The following SSUH2 variants were observed in gnomAD, a reference collection of about 807,000 sequenced individuals.
The protein encoded by SSUH2 is ssu-2 homolog.
Under a neutral mutation model 55.3 loss-of-function variants are expected in SSUH2, and 47 were observed. That is an observed-to-expected ratio of 0.85 (90% CI 0.67 to 1.08). The LOEUF (loss-of-function observed/expected upper bound fraction) is 1.08. Among genes scored for constraint, SSUH2 ranks in the 50% least tolerant of loss-of-function variants. SSUH2 has a pLI of 0.00. For synonymous variants in SSUH2, 212 were observed against 191.5 expected (o/e 1.11, Z -0.89); for missense variants, 535 against 490.7 (o/e 1.09, Z -0.85).
At position 8,629,804 on chromosome 3, in the gene SSUH2, C is replaced by T. The variant is rs188895396; in HGVS notation, c.526-78G>A. On this transcript the variant is annotated intron_variant, in intron 6 of 11. Transcript: ENST00000544814. ...ACACCCATAACATCACCATCTAAACCGAAGGTGGAGTGGATCAGGACCAGG... is the reference window on the plus strand; with the variant it reads ...ACACCCATAACATCACCATCTAAACTGAAGGTGGAGTGGATCAGGACCAGG... 71 of 1,403,028 alleles carry T rather than the reference C, an allele frequency of 5.1e-5. No individual in the cohort carries two copies. In the Middle Eastern group the frequency reaches 5.3e-4, roughly 10 times the overall value. The allele number at this position is 1,403,028 out of a possible 1,614,324, so 86.9% of individuals were successfully genotyped here.
At chr3:8,632,817 C>T (rs1230895107) in intron 4 of SSUH2, among the ~76,000 whole-genome samples, 1 of 152,202 alleles carries the variant, frequency 6.6e-6, no homozygotes, top group Admixed American at 6.5e-5. Flanking sequence ...TTTCTTGGCA[C>T]AGTCATGATC....
chr3:8,680,340 C>A lies in SSUH2; in HGVS notation c.-1045-491G>T, dbSNP rs1238715648. On this transcript the variant is annotated intron_variant, in intron 1 of 18. Transcript: ENST00000317371. ...CTCTTCCCTCTCTGGCTCTTAGGAT[C>A]CAAGGTGGACTCACAGACTGTTTAC... 2.0e-5 allele frequency among the ~76,000 whole-genome samples: 3 copies of A among 152,038 alleles called. No individual in the cohort carries two copies. In the East Asian group the frequency reaches 5.8e-4, roughly 29 times the overall value.
chr3:8,679,542 G>A (rs991736435), intron 2 of SSUH2, among the ~76,000 whole-genome samples: 10 of 141,994 alleles, frequency 7.0e-5, no homozygotes, highest in Non-Finnish European at 1.5e-4. Context: ...GGCACCCTCA[G>A]CGAGGCAGGA....
chr3:8,665,883 T>G (rs1390425590), intron 5 of SSUH2, among the ~76,000 whole-genome samples: 1 of 152,168 alleles, frequency 6.6e-6, no homozygotes, highest in African/African-American at 2.4e-5. Context: ...AAGATCATTT[T>G]CAACATCAAA....
intron 7 of SSUH2, among the ~76,000 whole-genome samples, chr3:8,628,715 G>A (rs567121717): frequency 6.6e-6 from 1 of 152,354 alleles, no homozygotes; most frequent in Middle Eastern, 3.4e-3. Flanking sequence ...AGGACGGCCC[G>A]CAGCTCCCAG....
intron 6 of SSUH2, among the ~76,000 whole-genome samples, chr3:8,660,197 C>T (rs781234665): frequency 6.6e-6 from 1 of 152,086 alleles, no homozygotes; most frequent in Non-Finnish European, 1.5e-5. Flanking sequence ...GCCATTACCA[C>T]TTGAAAAGGT....
chr3:8,640,177 T>A, intron 1 of SSUH2: 1 of 180,262 alleles, frequency 5.5e-6, no homozygotes, highest in Non-Finnish European at 1.1e-5. Context: ...ACAACGTGAA[T>A]GAACAATACT....
In SSUH2 at chr3:8,631,321, C is replaced by A. The variant is rs1698726341; in HGVS notation, c.401-392G>T. On this transcript the variant is annotated intron_variant, in intron 5 of 11. Coordinates refer to ENST00000544814, the MANE Select transcript of SSUH2 (RefSeq NM_001256748.3). ...TGGCACATACTGAGGGGATGACACA[C>A]AAGAATTGTCACCATTATCATCACC... is the stretch of plus-strand genomic sequence containing the variant. Among the ~76,000 whole-genome samples the A allele has an allele frequency of 2.0e-5, 3 of 152,180 alleles. No individual in the cohort carries two copies. In the South Asian group the frequency reaches 6.2e-4, roughly 32 times the overall value.
chr3:8,623,330 A>C, intron 11 of SSUH2: 1 of 521,136 alleles, frequency 1.9e-6, no homozygotes. Context: ...AAAAATGCAA[A>C]CTTCTCCTGC....
intron 7 of SSUH2, chr3:8,629,404 C>T: frequency 1.9e-6 from 1 of 517,804 alleles, no homozygotes; most frequent in East Asian, 3.3e-5. Context: ...AGCAGGTATT[C>T]AGTGTATGTT....
intron 7 of SSUH2, among the ~76,000 whole-genome samples, chr3:8,655,523 G>A (rs1702848608): frequency 6.6e-6 from 1 of 151,962 alleles, no homozygotes; most frequent in African/African-American, 2.4e-5. Context: ...GTCTCAGTGT[G>A]TGGCCTCCCC....
intron 7 of SSUH2, among the ~76,000 whole-genome samples, chr3:8,658,553 A>C (rs1388097755): frequency 6.6e-6 from 1 of 152,206 alleles, no homozygotes; most frequent in African/African-American, 2.4e-5. Context: ...CCCCAAGGTA[A>C]AAATAGTTTT....
intron 6 of SSUH2, among the ~76,000 whole-genome samples, chr3:8,660,863 C>T (rs1346260337): frequency 1.3e-5 from 2 of 152,198 alleles, no homozygotes; most frequent in Non-Finnish European, 1.5e-5. Context: ...AATAAACAAT[C>T]CTCCTGTTCT....
At chr3:8,639,116 T>C (rs1243700786) in intron 1 of SSUH2, among the ~76,000 whole-genome samples, 1 of 152,172 alleles carries the variant, frequency 6.6e-6, no homozygotes, top group Non-Finnish European at 1.5e-5. Flanking sequence ...AGGTGTCGTT[T>C]CCTGTACAGA....
intron 2 of SSUH2, 112 bp from the exon 3 acceptor site, chr3:8,635,493 G>A (rs1397185257): frequency 2.3e-6 from 2 of 851,110 alleles, no homozygotes; most frequent in South Asian, 1.6e-5. Flanking sequence ...TGAAGAAACA[G>A]TGATGCATTT....
chr3:8,627,781 C>A lies in SSUH2; in HGVS notation c.591G>T (p.Val197=). Residue 197 remains valine, a splice_region_variant and synonymous_variant, in exon 8 of 12, where the codon GTG becomes GTT. Coordinates refer to ENST00000544814, the MANE Select transcript of SSUH2 (RefSeq NM_001256748.3). ...KCSGCHGAGT[V]RCPSCCGAKR... is the part of the protein sequence containing the mutation. ...TGGCTCCGCAGCAGGATGGGCACCGCACCTGCAGACACACCACTGCCTCAG... is the reference window on the plus strand; with the variant it reads ...TGGCTCCGCAGCAGGATGGGCACCGAACCTGCAGACACACCACTGCCTCAG... 1 of 1,608,336 alleles carries A rather than the reference C, an allele frequency of 6.2e-7. No individual in the cohort carries two copies. Among genetic ancestry groups the A allele is most frequent in the South Asian group, 1.1e-5 (1 of 90,360 alleles).
At chr3:8,647,847 G>T (rs140843803), upstream of SSUH2, among the ~76,000 whole-genome samples, 257 of 152,370 alleles carry the variant, frequency 1.7e-3, 1 homozygote, top group Non-Finnish European at 2.6e-3. Context: ...ATTGTTGTTG[G>T]CTTATCTGCA....
At chr3:8,680,509 A>G (rs1193220123) in intron 1 of SSUH2, among the ~76,000 whole-genome samples, 1 of 152,088 alleles carries the variant, frequency 6.6e-6, no homozygotes, top group Non-Finnish European at 1.5e-5. Context: ...TAAGAACAGT[A>G]TCACAGGGGT....
intron 7 of SSUH2, among the ~76,000 whole-genome samples, chr3:8,657,194 T>G (rs1703021882): frequency 6.6e-6 from 1 of 152,208 alleles, no homozygotes; most frequent in Non-Finnish European, 1.5e-5. Context: ...CACCCTGTTT[T>G]ATAATTACCT....
Sources: allele counts gnomAD v4.1 joint callset (sites outside exome capture counted in the v4.1 genomes callset), GRCh38; gene constraint gnomAD v4.1.1; transcripts MANE v1.5; gene names NCBI Gene and HGNC (gene_info 2026-07-23, HGNC 2026-07-21).